Variants in LRRC46 observed in about 807,000 individuals in gnomAD.
LRRC46 encodes the protein leucine rich repeat containing 46.
In LRRC46, 20 loss-of-function variants were observed where a neutral mutation model predicts 28.0. The observed-to-expected ratio is 0.71, with a 90% CI of 0.50 to 1.04. The LOEUF (loss-of-function observed/expected upper bound fraction) is 1.04, where lower values mean the gene tolerates loss of function less well. Ranked by LOEUF, LRRC46 falls within the 50% of genes least tolerant of loss-of-function variation. The pLI, the probability that LRRC46 is intolerant of heterozygous loss-of-function variation, is 0.00. For synonymous variants in LRRC46, 156 were observed against 158.8 expected, an observed-to-expected ratio of 0.98 and a Z score of 0.13; for missense variants, 315 against 390.1, an observed-to-expected ratio of 0.81 and a Z score of 1.62.
Position 47,837,549 on chromosome 17 carries a change from CT to C in LRRC46, c.*430del. 2 of 452,418 alleles carry C rather than the reference CT, an allele frequency of 4.4e-6. No homozygotes were observed. The highest frequency in any genetic ancestry group is 7.8e-6 in the Non-Finnish European group (2 of 256,984). 28.0% of individuals were successfully genotyped at this position (452,418 alleles called of 1,614,324 possible). A position where few individuals can be genotyped will look rare whatever the true frequency, so the allele number is the denominator to read the frequency against. ...ACAGCAGCCAGCTCCTGTCCCCTCC[CT>C]GTCCTCCTGCCCAGTCCCCATCACT... On this transcript the variant is annotated 3_prime_UTR_variant, in exon 8 of 8. Transcript: ENST00000269025.
At chr17:47,833,960 C>G in intron 2 of LRRC46, 1 of 985,718 alleles carries the variant, frequency 1.0e-6, no homozygotes, top group Middle Eastern at 5.2e-4. Context: ...TGTCATTTGT[C>G]TCTAGTAGGC....
At chr17:47,834,383 T>C in intron 2 of LRRC46, 42 bp from the exon 3 acceptor site, 1 of 1,406,114 alleles carries the variant, frequency 7.1e-7, no homozygotes, top group Non-Finnish European at 1.0e-6. Context: ...AGAGACCACA[T>C]GAGTGGTGCT....
chr17:47,834,958 C>G, intron 3 of LRRC46: 1 of 230,180 alleles, frequency 4.3e-6, no homozygotes, highest in Non-Finnish European at 8.5e-6. Flanking sequence ...ATTCCCAGCT[C>G]GCTTCAACTT....
intron 2 of LRRC46, among the ~76,000 whole-genome samples, chr17:47,832,919 A>G (rs2033651027): frequency 6.6e-6 from 1 of 151,986 alleles, no homozygotes; most frequent in Non-Finnish European, 1.5e-5. Flanking sequence ...ATTTCTGGCC[A>G]CTCTCCACAA....
At chr17:47,835,125 C>T (rs751711459) in intron 3 of LRRC46, 23 of 574,364 alleles carry the variant, frequency 4.0e-5, no homozygotes, top group Admixed American at 6.0e-5. Flanking sequence ...GAAGAGTATA[C>T]GTAGTCAGGT....
At chr17:47,835,617 G>A in intron 4 of LRRC46, 49 bp from the exon 5 acceptor site, 2 of 1,577,228 alleles carry the variant, frequency 1.3e-6, no homozygotes, top group Non-Finnish European at 1.7e-6. Context: ...TTTTCTTCCA[G>A]CTGTTCCATG....
rs941378665 is a variant in LRRC46, at chr17:47,833,939, G to A, written c.117-486G>A. ...CTGCCCTGCTTCTTTATTAGTGGTG[G>A]GCAGAGACTCTGTCATTTGTCTCTA... On this transcript the variant is annotated intron_variant, in intron 2 of 7. Coordinates refer to ENST00000269025, the MANE Select transcript of LRRC46 (RefSeq NM_033413.4). 1.0e-5 allele frequency: 10 copies of A among 985,440 alleles called. No individual in the cohort carries two copies. In the African/African-American group the frequency reaches 1.7e-4, roughly 17 times the overall value. 61.0% of individuals were successfully genotyped at this position (985,440 alleles called of 1,614,324 possible). A position where few individuals can be genotyped will look rare whatever the true frequency, so the allele number is the denominator to read the frequency against.
chr17:47,836,225 T>TA lies in LRRC46; in HGVS notation c.453-107dup. The TA allele has an allele frequency of 6.3e-7, 1 of 1,578,726 alleles. No individual in the cohort carries two copies. Among genetic ancestry groups the TA allele is most frequent in the Non-Finnish European group, 8.7e-7 (1 of 1,152,490 alleles). ...GACACCTTCTCCCCCACCTCCTACC[T>TA]AGCTCATGAGCCACCACCCCTCCGG... is the stretch of plus-strand genomic sequence containing the variant. On this transcript the variant is annotated intron_variant, in intron 6 of 7. Transcript: ENST00000269025. This position sits in a 1 kb window ranked among gnomAD's most constrained non-coding sequence, Gnocchi z 5.8.
rs561573866 is a variant in LRRC46 at position 47,833,960 on chromosome 17, C to T, written c.117-465C>T. On this transcript the variant is annotated intron_variant, in intron 2 of 7. Coordinates refer to ENST00000269025, the MANE Select transcript of LRRC46 (RefSeq NM_033413.4). ...GGTGGGCAGAGACTCTGTCATTTGT[C>T]TCTAGTAGGCACTCAGCAATGTTGT... 3 of 985,718 alleles carry T rather than the reference C, an allele frequency of 3.0e-6. No homozygotes were observed. The East Asian group carries it at 3.4e-4, about 112-fold the overall frequency. The allele number at this position is 985,718 out of a possible 1,614,324, so 61.1% of individuals were successfully genotyped here.
In LRRC46 at chr17:47,836,018, CTT is replaced by C. The variant is rs1410080735; in HGVS notation, c.383-13_383-12del. ...CAAGTGAGAACCCCATTTCCTCTCT[CTT>C]TGCTGTGTGCAGATGAGTTCCCCCA... On this transcript the variant is annotated splice_polypyrimidine_tract_variant and intron_variant, in intron 5 of 7. Coordinates refer to ENST00000269025, the MANE Select transcript of LRRC46 (RefSeq NM_033413.4). This position sits in a 1 kb window ranked among gnomAD's most constrained non-coding sequence, Gnocchi z 5.8. 6.2e-7 allele frequency: 1 copy of C among 1,613,990 alleles called. No homozygotes were observed. Among genetic ancestry groups the C allele is most frequent in the African/African-American group, 1.3e-5 (1 of 75,062 alleles).
At chr17:47,834,689 G>A in intron 3 of LRRC46, 156 bp downstream of exon 3, 2 of 553,750 alleles carry the variant, frequency 3.6e-6, no homozygotes, top group Non-Finnish European at 6.5e-6. Flanking sequence ...ATAGGGTCCT[G>A]AATTGAAAAA....
chr17:47,831,732 T>A lies in LRRC46; in HGVS notation c.-258T>A. The A allele has an allele frequency of 1.6e-6, 1 of 639,082 alleles. No homozygotes were observed. Among genetic ancestry groups the A allele is most frequent in the Non-Finnish European group, 2.7e-6 (1 of 368,678 alleles). 39.6% of individuals were successfully genotyped at this position (639,082 alleles called of 1,614,324 possible). A position where few individuals can be genotyped will look rare whatever the true frequency, so the allele number is the denominator to read the frequency against. On this transcript the variant is annotated 5_prime_UTR_variant, in exon 1 of 8. Transcript: ENST00000269025. ...CTAGGAACTGCTCCTTTCTCAACCA[T>A]TCCTGCCCACAACACCCCAGCTTGC... is the stretch of plus-strand genomic sequence containing the variant.
intron 2 of LRRC46, among the ~76,000 whole-genome samples, chr17:47,833,490 G>A (rs555166087): frequency 7.7e-5 from 11 of 142,286 alleles, no homozygotes; most frequent in South Asian, 2.2e-4. Context: ...ACTCTGTTGC[G>A]CAGGCTGGAG....
intron 3 of LRRC46, 60 bp from the exon 4 acceptor site, chr17:47,835,293 A>C: frequency 3.9e-6 from 6 of 1,556,790 alleles, no homozygotes; most frequent in Non-Finnish European, 5.3e-6. Context: ...TTGTCCCCGT[A>C]AAGGGCCCCT....
Position 47,836,904 on chromosome 17 carries a change from T to G in LRRC46, c.750T>G (p.Pro250=). 6.2e-7 allele frequency: 1 copy of G among 1,613,804 alleles called. No individual in the cohort carries two copies. ...TGCCCATGGCTGGGGACAGCAGCCC[T>G]TCTGCCACTCCTGCGCAAGGGGAGG... The part of the protein sequence containing the change: ...PGVPMAGDSS[P]SATPAQGEET... Residue 250 remains proline (P), a synonymous_variant, in exon 8 of 8, where the codon CCT becomes CCG. Transcript: ENST00000269025. This position sits in a 1 kb window ranked among gnomAD's most constrained non-coding sequence, Gnocchi z 5.8.
chr17:47,837,353 C>T lies in LRRC46; in HGVS notation c.*233C>T. On this transcript the variant is annotated 3_prime_UTR_variant, in exon 8 of 8. Transcript: ENST00000269025. ...GAGCGAGTCTGGAATCTTTCGGGAGCTACCCACAGGGCAGGCATGCCTCAG... is the reference window on the plus strand; with the variant it reads ...GAGCGAGTCTGGAATCTTTCGGGAGTTACCCACAGGGCAGGCATGCCTCAG... The T allele has an allele frequency of 1.7e-6, 1 of 579,096 alleles. No individual in the cohort carries two copies. Among genetic ancestry groups the T allele is most frequent in the Non-Finnish European group, 2.8e-6 (1 of 353,250 alleles). 35.9% of individuals were successfully genotyped at this position (579,096 alleles called of 1,614,324 possible). A position where few individuals can be genotyped will look rare whatever the true frequency, so the allele number is the denominator to read the frequency against.
Position 47,835,759 on chromosome 17 carries a change from A to G in LRRC46, c.366A>G (p.Ile122Met), listed in dbSNP as rs779967007. ...LQFLDLSENL[I>M]ETLKLDEFPQ... ...TTCTGGACCTTTCTGAGAACCTGAT[A>G]GAAACATTGAAGCTGGGTAGGAACC... The change falls in exon 5 of 8, where the codon ATA becomes ATG. Residue 122 changes from isoleucine to methionine, a missense_variant. Ile to Met is a conservative substitution (Grantham distance 10). Coordinates refer to ENST00000269025, the MANE Select transcript of LRRC46 (RefSeq NM_033413.4). 8 of 1,614,014 alleles carry G rather than the reference A, an allele frequency of 5.0e-6. No individual in the cohort carries two copies. The African/African-American group carries it at 9.3e-5, about 19-fold the overall frequency.
Position 47,836,775 on chromosome 17 carries a change from G to C in LRRC46, c.621G>C (p.Glu207Asp). 6.2e-7 allele frequency: 1 copy of C among 1,612,548 alleles called. No individual in the cohort carries two copies. The highest frequency in any genetic ancestry group is 8.5e-7 in the Non-Finnish European group (1 of 1,179,854). ...GCTTCCTCAAGGAGCTGGAGCAGGA[G>C]CTGAGCAGGCACAGGGAGCACCGGC... ...ERGFLKELEQ[E>D]LSRHREHRQQ... The change falls in exon 8 of 8, where the codon GAG becomes GAC. Residue 207 changes from glutamate to aspartate, a missense_variant. Glu to Asp is a conservative substitution (Grantham distance 45). Transcript: ENST00000269025. This position sits in a 1 kb window ranked among gnomAD's most constrained non-coding sequence, Gnocchi z 5.8.
intron 2 of LRRC46, among the ~76,000 whole-genome samples, chr17:47,834,211 C>T (rs568989890): frequency 6.6e-6 from 1 of 152,248 alleles, no homozygotes; most frequent in African/African-American, 2.4e-5. Flanking sequence ...CTCACCCTTC[C>T]CAGTGCTAAC....
Sources: gnomAD v4.1 joint callset for allele counts (sites outside exome capture counted in the v4.1 genomes callset) on GRCh38, gnomAD v4.1.1 for gene constraint, Gnocchi (gnomAD v3.1) non-coding constraint, MANE v1.5 for transcripts, NCBI Gene and HGNC (gene_info 2026-07-23, HGNC 2026-07-21) for gene names.